Variants in PLPP3 observed in about 807,000 individuals in gnomAD.
PLPP3 encodes phospholipid phosphatase 3.
Under a neutral mutation model 29.6 loss-of-function variants are expected in PLPP3, and 6 were observed. That is an observed-to-expected ratio of 0.20 (90% CI 0.11 to 0.40). The LOEUF (loss-of-function observed/expected upper bound fraction) is 0.40. PLPP3 is among the 10% of genes least tolerant of loss of function. The pLI is 1.00. For missense variants in PLPP3, 308 were observed against 407.7 expected (o/e 0.76, Z 2.11); for synonymous variants, 152 against 159.7 (o/e 0.95, Z 0.36).
intron 1 of PLPP3, among the ~76,000 whole-genome samples, chr1:56,560,706 T>C (rs1018764958): frequency 1.3e-5 from 2 of 152,188 alleles, no homozygotes; most frequent in Non-Finnish European, 2.9e-5. Context: ...GATATGAATT[T>C]TGGCAGAACA....
At chr1:56,513,955 T>C (rs570119579) in intron 4 of PLPP3, among the ~76,000 whole-genome samples, 2 of 152,100 alleles carry the variant, frequency 1.3e-5, no homozygotes, top group Admixed American at 6.5e-5. Flanking sequence ...TACTATTAGA[T>C]TGCCATGGAC....
At chr1:56,557,008 A>AAGAGAG (rs776934339) in intron 1 of PLPP3, among the ~76,000 whole-genome samples, 234 of 13,748 alleles carry the variant, frequency 0.017, 48 homozygotes, top group African/African-American at 0.048. Flanking sequence ...GAAAGAAAGA[A>AAGAGAG]AGAGAGAGAG....
rs1275408812 is a variant in PLPP3 at position 56,524,269 on chromosome 1, T to C, written c.575+8A>G. ...CCAGGCTCTGGCCATGCGGAGGTGG[T>C]GTCTCACCTGGCTTCCTGGACTTTG... On this transcript the variant is annotated splice_region_variant and intron_variant, in intron 3 of 5. Transcript: ENST00000371250. This position sits in a 1 kb window ranked among gnomAD's most constrained non-coding sequence, Gnocchi z 4.3. 5 of 1,612,706 alleles carry C rather than the reference T, an allele frequency of 3.1e-6. No individual in the cohort carries two copies. The highest frequency in any genetic ancestry group is 4.2e-6 in the Non-Finnish European group (5 of 1,179,646).
intron 2 of PLPP3, among the ~76,000 whole-genome samples, chr1:56,530,675 A>AGCCTACCCCTTTCCCCT (rs1557504992): frequency 1.3e-5 from 2 of 151,312 alleles, no homozygotes; most frequent in East Asian, 1.9e-4. Context: ...TCTTTACCTT[A>AGCCTACCCCTTTCCCCT]ATTAGAAAAT....
At chr1:56,536,877 T>C in intron 2 of PLPP3, 78 bp downstream of exon 2, 4 of 1,554,492 alleles carry the variant, frequency 2.6e-6, no homozygotes, top group Non-Finnish European at 3.5e-6. Context: ...TAAGTCTCTG[T>C]TGGCTCAGAC....
intron 1 of PLPP3, among the ~76,000 whole-genome samples, chr1:56,548,529 A>G (rs1315445730): frequency 6.6e-6 from 1 of 152,224 alleles, no homozygotes; most frequent in East Asian, 1.9e-4. Flanking sequence ...AGGCTTCTCC[A>G]TGGCCCACTG....
chr1:56,567,420 TGGA>T (rs1646168640), intron 1 of PLPP3, among the ~76,000 whole-genome samples: 4 of 70,586 alleles, frequency 5.7e-5, no homozygotes, highest in Admixed American at 1.3e-4. Context: ...TTTTTTGAGA[TGGA>T]GTCTCGCTCT....
chr1:56,511,775 C>G (rs1557499051), intron 5 of PLPP3, among the ~76,000 whole-genome samples: 1 of 151,926 alleles, frequency 6.6e-6, no homozygotes, highest in Non-Finnish European at 1.5e-5. Flanking sequence ...CAGATCAAAA[C>G]TCACAGGCTG....
rs540683952 is a variant in PLPP3 at position 56,515,389 on chromosome 1, C to A, written c.634-3237G>T. ...CTGCATGCAGGCTTAGATCACAAGC[C>A]TTGGAAATCAAGGGTGGGGCAGAGG... is the stretch of plus-strand genomic sequence containing the variant. On this transcript the variant is annotated intron_variant, in intron 4 of 5. Transcript: ENST00000371250. Among the ~76,000 whole-genome samples, 171 of 152,242 alleles carry A rather than the reference C, an allele frequency of 1.1e-3. 6 individuals carry two copies. The highest frequency in any genetic ancestry group is 6.8e-3 in the Middle Eastern group (2 of 292).
rs527812323 is a variant in PLPP3, at chr1:56,499,180, G to A, written c.811-2504C>T. On this transcript the variant is annotated intron_variant, in intron 5 of 5. Coordinates refer to ENST00000371250, the MANE Select transcript of PLPP3 (RefSeq NM_003713.5). ...CTGAGCTCACAGTCACTATATCCTA[G>A]GGTTTCCATTTCCTAACTGCAGGAT... Among the ~76,000 whole-genome samples, 211 of 150,422 alleles carry A rather than the reference G, an allele frequency of 1.4e-3. 2 individuals carry two copies. The highest frequency in any genetic ancestry group is 5.0e-3 in the African/African-American group (204 of 40,910).
intron 1 of PLPP3, among the ~76,000 whole-genome samples, chr1:56,557,040 G>A (rs368959958): frequency 0.28 from 2,593 of 9,306 alleles, 704 homozygotes; most frequent in African/African-American, 0.4. Context: ...GAGAGAGAGA[G>A]AGAGAGAGAG....
chr1:56,579,176 T>G lies in PLPP3; in HGVS notation c.-160A>C. ...CGGCTAGAGTGCAGCCGGGGCTGCC[T>G]GCCTCCAACTGCAGAAGGTGGTGTT... is the stretch of plus-strand genomic sequence containing the variant. On this transcript the variant is annotated 5_prime_UTR_variant, in exon 1 of 6. Coordinates refer to ENST00000371250, the MANE Select transcript of PLPP3 (RefSeq NM_003713.5). 2 of 814,198 alleles carry G rather than the reference T, an allele frequency of 2.5e-6. No homozygotes were observed. The highest frequency in any genetic ancestry group is 3.6e-6 in the Non-Finnish European group (2 of 552,604). The allele number at this position is 814,198 out of a possible 1,614,324, so 50.4% of individuals were successfully genotyped here.
chr1:56,555,254 T>C (rs1235994722), intron 1 of PLPP3, among the ~76,000 whole-genome samples: 1 of 144,890 alleles, frequency 6.9e-6, no homozygotes, highest in Non-Finnish European at 1.5e-5. Context: ...CCCTCCTGCT[T>C]GGTGACTTCC....
At position 56,516,181 on chromosome 1, in the gene PLPP3, C is replaced by T. The variant is rs542673640; in HGVS notation, c.634-4029G>A. 7.2e-5 allele frequency among the ~76,000 whole-genome samples: 11 copies of T among 152,290 alleles called. No homozygotes were observed. In the East Asian group the frequency reaches 1.7e-3, roughly 24 times the overall value. On this transcript the variant is annotated intron_variant, in intron 4 of 5. Coordinates refer to ENST00000371250, the MANE Select transcript of PLPP3 (RefSeq NM_003713.5). The stretch of plus-strand genomic sequence containing the variant: ...AGGCTTTGGGATTGATGAAAGGATA[C>T]GATGACCTTCTCCATCCCACTCCAA...
chr1:56,546,859 C>T (rs1462797516), intron 1 of PLPP3, among the ~76,000 whole-genome samples: 1 of 152,184 alleles, frequency 6.6e-6, no homozygotes, highest in East Asian at 1.9e-4. Context: ...CAACTTATAG[C>T]TCTCTATGTG....
chr1:56,510,743 T>C (rs1645735752), intron 5 of PLPP3, among the ~76,000 whole-genome samples: 1 of 152,244 alleles, frequency 6.6e-6, no homozygotes, highest in Admixed American at 6.5e-5. Flanking sequence ...TTCTGGCTTT[T>C]TGCTTGTTAG....
At chr1:56,501,206 A>G (rs1481080864) in intron 5 of PLPP3, among the ~76,000 whole-genome samples, 2 of 152,116 alleles carry the variant, frequency 1.3e-5, no homozygotes, top group South Asian at 2.1e-4. Context: ...GATAGAGGTT[A>G]TATGTTTGGG....
At chr1:56,525,922 G>T (rs961845896) in intron 2 of PLPP3, among the ~76,000 whole-genome samples, 7 of 152,148 alleles carry the variant, frequency 4.6e-5, no homozygotes, top group Non-Finnish European at 1.0e-4. Flanking sequence ...AAGTCTGGGG[G>T]AGGACGACCA....
At chr1:56,530,992 G>A (rs1295679923) in intron 2 of PLPP3, among the ~76,000 whole-genome samples, 1 of 152,196 alleles carries the variant, frequency 6.6e-6, no homozygotes, top group Non-Finnish European at 1.5e-5. Context: ...CTGGGTTAGA[G>A]TTTGGCTCTT....
Sources: allele counts gnomAD v4.1 joint callset (sites outside exome capture counted in the v4.1 genomes callset), GRCh38; gene constraint gnomAD v4.1.1; non-coding constraint Gnocchi (gnomAD v3.1); transcripts MANE v1.5; gene names NCBI Gene and HGNC (gene_info 2026-07-23, HGNC 2026-07-21).